The following PRRC2C variants were observed in gnomAD, a reference collection of about 807,000 sequenced individuals.
The protein encoded by PRRC2C is protein PRRC2C.
In PRRC2C, 72 loss-of-function variants were observed where a neutral mutation model predicts 317.2. That is an observed-to-expected ratio of 0.23 (90% CI 0.19 to 0.28). The LOEUF is 0.28. Ranked by LOEUF, PRRC2C falls within the 10% of genes least tolerant of loss-of-function variation. The pLI is 1.00. For synonymous variants in PRRC2C, 1,296 were observed against 1,205.9 expected (o/e 1.07, Z -1.55); for missense variants, 3,074 against 3,459.7 (o/e 0.89, Z 2.80).
Position 171,549,790 on chromosome 1 carries a change from G to A in PRRC2C, c.4973-296G>A, listed in dbSNP as rs116348827. Among the ~76,000 whole-genome samples the A allele has an allele frequency of 2.6e-3, 389 of 152,166 alleles. 2 individuals are homozygous for A. Among genetic ancestry groups the A allele is most frequent in the African/African-American group, 8.4e-3 (347 of 41,530 alleles). On this transcript the variant is annotated intron_variant, in intron 17 of 34. Transcript: ENST00000647382. ...TTGGCCAGGCTGGTCTCAAACTTCC[G>A]GCCTCAAGCAGTATGCCCATCTCGG...
intron 17 of PRRC2C, among the ~76,000 whole-genome samples, chr1:171,546,693 A>G (rs1164829019): frequency 2.0e-5 from 3 of 152,154 alleles, no homozygotes; most frequent in South Asian, 4.1e-4. Flanking sequence ...TCTGCATCCC[A>G]GACGTCAAGC....
At chr1:171,537,038 C>A (rs1676966694) in intron 14 of PRRC2C, among the ~76,000 whole-genome samples, 1 of 152,120 alleles carries the variant, frequency 6.6e-6, no homozygotes, top group African/African-American at 2.4e-5. Flanking sequence ...GCTTATTTTG[C>A]TTCCTCAGTT....
intron 11 of PRRC2C, among the ~76,000 whole-genome samples, chr1:171,529,548 G>A (rs1675377765): frequency 6.6e-6 from 1 of 152,140 alleles, no homozygotes; most frequent in Admixed American, 6.5e-5. Context: ...TTATCTATCA[G>A]CAGATTGTCA....
At chr1:171,494,347 A>AT (rs1188281202) in intron 1 of PRRC2C, among the ~76,000 whole-genome samples, 1 of 152,164 alleles carries the variant, frequency 6.6e-6, no homozygotes, top group East Asian at 1.9e-4. Context: ...ATTTATTTAT[A>AT]TTACACTTTG....
Position 171,566,662 on chromosome 1 carries a change from A to T in PRRC2C, c.6377A>T (p.Lys2126Ile), listed in dbSNP as rs1683719997. The change falls in exon 22 of 35, where the codon AAA (lysine) becomes ATA (isoleucine). Residue 2126 changes from lysine to isoleucine, a missense_variant. Lys to Ile is a moderately radical substitution (Grantham distance 102). This residue lies in a region of PRRC2C where 640 missense variants were observed against 676.1 expected (regional missense o/e 0.95). Transcript: ENST00000647382. ...CCCATTGGAAAGGAACGTTCATTAA[A>T]AAATAGAAAAGTAAAAGATGCCCAA... ...PGPIGKERSL[K>I]NRKVKDAQQV... 2 of 1,610,652 alleles carry T rather than the reference A, an allele frequency of 1.2e-6. No individual in the cohort carries two copies. The highest frequency in any genetic ancestry group is 8.5e-7 in the Non-Finnish European group (1 of 1,178,178).
chr1:171,528,312 A>G (rs7531888), intron 11 of PRRC2C, among the ~76,000 whole-genome samples: 119,842 of 148,034 alleles, frequency 0.81, 48,544 homozygotes, highest in Middle Eastern at 0.9. Context: ...TTTTTTAGAC[A>G]GAGTCTAGCT....
At chr1:171,545,089 T>G (rs940310108) in intron 16 of PRRC2C, among the ~76,000 whole-genome samples, 6 of 152,228 alleles carry the variant, frequency 3.9e-5, no homozygotes, top group African/African-American at 1.4e-4. Flanking sequence ...TTAAAAATTT[T>G]TGTTTTCATA....
At chr1:171,502,807 T>C (rs1298296875) in intron 1 of PRRC2C, among the ~76,000 whole-genome samples, 1 of 152,142 alleles carries the variant, frequency 6.6e-6, no homozygotes, top group Non-Finnish European at 1.5e-5. Context: ...CACTGCAACC[T>C]CCACTTCCTG....
At chr1:171,566,955 TAG>T in intron 22 of PRRC2C, 112 bp downstream of exon 22, 3 of 1,183,066 alleles carry the variant, frequency 2.5e-6, no homozygotes, top group Non-Finnish European at 3.4e-6. Flanking sequence ...TATAACTCTA[TAG>T]ATTATTTCCG....
intron 20 of PRRC2C, among the ~76,000 whole-genome samples, chr1:171,564,258 GATATT>G (rs1453041558): frequency 8.5e-5 from 13 of 152,050 alleles, no homozygotes; most frequent in Non-Finnish European, 1.9e-4. Context: ...ACAAAGACTT[GATATT>G]ATAATATTGT....
chr1:171,563,732 G>A (rs1424919168), intron 20 of PRRC2C, among the ~76,000 whole-genome samples: 1 of 152,090 alleles, frequency 6.6e-6, no homozygotes, highest in Non-Finnish European at 1.5e-5. Context: ...AGATTCTTCA[G>A]AGAACTCTAA....
rs235908 is a variant in PRRC2C at position 171,592,111 on chromosome 1, G to A, written c.*264G>A. ...CTTCAGTCAGAATTTATATATAAATGTATGCACCCATTTTTTTGAGTGCAT... is the reference window on the plus strand; with the variant it reads ...CTTCAGTCAGAATTTATATATAAATATATGCACCCATTTTTTTGAGTGCAT... On this transcript the variant is annotated 3_prime_UTR_variant, in exon 35 of 35. Transcript: ENST00000647382. 0.81 allele frequency: 299,599 copies of A among 369,528 alleles called. 121,749 individuals are homozygous for A. The highest frequency in any genetic ancestry group is 0.89 in the East Asian group (20,528 of 22,980). 22.9% of individuals were successfully genotyped at this position (369,528 alleles called of 1,614,324 possible).
chr1:171,494,264 A>G (rs2102060221), intron 1 of PRRC2C, among the ~76,000 whole-genome samples: 1 of 152,326 alleles, frequency 6.6e-6, no homozygotes, highest in Admixed American at 6.5e-5. Context: ...CCTACTCCGG[A>G]AACTTAATTC....
intron 28 of PRRC2C, 150 bp from the exon 29 acceptor site, chr1:171,583,806 G>T: frequency 6.1e-6 from 4 of 655,910 alleles, no homozygotes; most frequent in Admixed American, 2.9e-5. Context: ...ATGATCTTAT[G>T]GGACCATCAA....
chr1:171,564,483 A>G (rs1683263265), intron 20 of PRRC2C, among the ~76,000 whole-genome samples: 1 of 152,234 alleles, frequency 6.6e-6, no homozygotes, highest in African/African-American at 2.4e-5. Flanking sequence ...GTACACTTAC[A>G]TTTAACTGAC....
At position 171,531,615 on chromosome 1, in the gene PRRC2C, T is replaced by A. The variant is rs528874131; in HGVS notation, c.1255-728T>A. Reference sequence around the variant, plus strand: ...AATCAATATGTTAAAAACATTTTTTTAATTACTTTTATTGTTTTTGCATAG... The same window carrying A: ...AATCAATATGTTAAAAACATTTTTTAAATTACTTTTATTGTTTTTGCATAG... On this transcript the variant is annotated intron_variant, in intron 11 of 34. Transcript: ENST00000647382. 2.3e-4 allele frequency among the ~76,000 whole-genome samples: 35 copies of A among 152,362 alleles called. No individual in the cohort carries two copies. In the South Asian group the frequency reaches 3.1e-3, roughly 14 times the overall value.
At chr1:171,493,404 G>A (rs748565937) in intron 1 of PRRC2C, among the ~76,000 whole-genome samples, 1 of 152,210 alleles carries the variant, frequency 6.6e-6, no homozygotes, top group Non-Finnish European at 1.5e-5. Flanking sequence ...GAAGGGTGAG[G>A]TAGGAGGATC....
intron 1 of PRRC2C, among the ~76,000 whole-genome samples, chr1:171,505,406 A>G (rs777689360): frequency 6.6e-6 from 1 of 152,190 alleles, no homozygotes; most frequent in Non-Finnish European, 1.5e-5. Flanking sequence ...GTATAGAAAT[A>G]CAATTGAATT....
chr1:171,498,419 C>A (rs1668502649), intron 1 of PRRC2C, among the ~76,000 whole-genome samples: 1 of 152,310 alleles, frequency 6.6e-6, no homozygotes, highest in Non-Finnish European at 1.5e-5. Context: ...CCAGCCCTTT[C>A]ATAAGGCACA....
Sources: gnomAD v4.1 joint callset for allele counts (sites outside exome capture counted in the v4.1 genomes callset) on GRCh38, gnomAD v4.1.1 for gene constraint, gnomAD v4.1.1 regional missense constraint, MANE v1.5 for transcripts, NCBI Gene and HGNC (gene_info 2026-07-23, HGNC 2026-07-21) for gene names.